The following ARL8B variants were observed in gnomAD, a reference collection of about 807,000 sequenced individuals.
ARL8B encodes the protein ADP-ribosylation factor-like protein 8B.
In ARL8B, 9 loss-of-function variants were observed where a neutral mutation model predicts 30.6. The observed-to-expected ratio is 0.29, with a 90% CI of 0.18 to 0.51. ARL8B has a LOEUF of 0.51. ARL8B is among the 20% of genes least tolerant of loss of function. The probability of loss-of-function intolerance (pLI) is 0.97; values close to 1 mark genes in which losing one functional copy is unlikely to be tolerated. For missense variants in ARL8B, 130 were observed against 227.2 expected, an observed-to-expected ratio of 0.57 and a Z score of 2.75; for synonymous variants, 74 against 76.0, an observed-to-expected ratio of 0.97 and a Z score of 0.14.
At chr3:5,165,384 T>G (rs1049276387) in intron 1 of ARL8B, among the ~76,000 whole-genome samples, 1 of 152,228 alleles carries the variant, frequency 6.6e-6, no homozygotes, top group African/African-American at 2.4e-5. Context: ...TGACTTCATA[T>G]AGGAATTAAA....
Position 5,122,454 on chromosome 3 carries a change from C to T in ARL8B, c.-12C>T, listed in dbSNP as rs2054190315. 1.2e-6 allele frequency: 2 copies of T among 1,612,572 alleles called. No individual in the cohort carries two copies. The highest frequency in any genetic ancestry group is 8.5e-7 in the Non-Finnish European group (1 of 1,179,590). On this transcript the variant is annotated 5_prime_UTR_variant, in exon 1 of 7. Transcript: ENST00000256496. ...TCCGTCCTCCCGTCCGTTCTCGCTC[C>T]CGGCCGCCATCATGCTGGCGCTCAT... is the stretch of plus-strand genomic sequence containing the variant.
chr3:5,172,598 C>A, intron 3 of ARL8B, 49 bp from the exon 4 acceptor site: 4 of 1,211,400 alleles, frequency 3.3e-6, no homozygotes, highest in Non-Finnish European at 4.8e-6. Flanking sequence ...TAGTTGTCAT[C>A]ATCAAGGCAT....
At chr3:5,136,919 G>A (rs181116223) in intron 1 of ARL8B, among the ~76,000 whole-genome samples, 1 of 152,238 alleles carries the variant, frequency 6.6e-6, no homozygotes, top group Admixed American at 6.5e-5. Context: ...CACAGCACTT[G>A]ATCAAAATTA....
intron 1 of ARL8B, among the ~76,000 whole-genome samples, 199 bp from the exon 2 acceptor site, chr3:5,170,304 G>T (rs1481645337): frequency 1.3e-5 from 2 of 152,156 alleles, no homozygotes; most frequent in African/African-American, 4.8e-5. Flanking sequence ...TTTTTAGATG[G>T]AAGAATATAT....
intron 1 of ARL8B, among the ~76,000 whole-genome samples, chr3:5,147,396 A>G (rs934310014): frequency 1.3e-5 from 2 of 152,100 alleles, no homozygotes; most frequent in African/African-American, 2.4e-5. Context: ...TTCTTAATCC[A>G]TTCTATCATT....
In ARL8B at chr3:5,172,181, G is replaced by A; in HGVS notation, c.236G>A (p.Arg79Gln). The change falls in exon 3 of 7, where the codon CGA becomes CAA. Residue 79 changes from arginine (R) to glutamine (Q), a missense_variant. Transcript: ENST00000256496. Reference protein sequence around the residue: ...IWDIGGQPRFRSMWERYCRGV... With the variant: ...IWDIGGQPRFQSMWERYCRGV... ...GACATAGGAGGACAACCCCGATTTC[G>A]AAGCATGTGGGAGCGGTATTGCAGA... The A allele has an allele frequency of 6.2e-7, 1 of 1,613,548 alleles. No individual in the cohort carries two copies. The highest frequency in any genetic ancestry group is 8.5e-7 in the Non-Finnish European group (1 of 1,179,694).
intron 1 of ARL8B, among the ~76,000 whole-genome samples, chr3:5,166,287 C>T (rs2054623170): frequency 6.6e-6 from 1 of 151,596 alleles, no homozygotes. Flanking sequence ...ATCCACCCAC[C>T]TCGGCCTCCC....
At chr3:5,131,781 T>G (rs1425841694) in intron 1 of ARL8B, among the ~76,000 whole-genome samples, 3 of 152,252 alleles carry the variant, frequency 2.0e-5, no homozygotes, top group Non-Finnish European at 4.4e-5. Context: ...TTTCTACTCT[T>G]AAGTGACTGA....
intron 1 of ARL8B, among the ~76,000 whole-genome samples, chr3:5,130,759 C>T (rs2054276179): frequency 1.3e-5 from 2 of 152,196 alleles, no homozygotes; most frequent in Non-Finnish European, 2.9e-5. Flanking sequence ...GAGTCTTGAA[C>T]TTCTGACGTC....
chr3:5,134,708 G>T (rs1433634589), intron 1 of ARL8B, among the ~76,000 whole-genome samples: 1 of 152,192 alleles, frequency 6.6e-6, no homozygotes, highest in Non-Finnish European at 1.5e-5. Flanking sequence ...TCATAGCCCA[G>T]TTAGGTTCTT....
At chr3:5,158,637 A>G (rs1172923224) in intron 1 of ARL8B, among the ~76,000 whole-genome samples, 1 of 152,162 alleles carries the variant, frequency 6.6e-6, no homozygotes, top group Non-Finnish European at 1.5e-5. Context: ...CCACCAGAAT[A>G]ACACTGCCTG....
intron 1 of ARL8B, among the ~76,000 whole-genome samples, chr3:5,151,139 A>C (rs1472497579): frequency 6.6e-6 from 1 of 151,692 alleles, no homozygotes; most frequent in Non-Finnish European, 1.5e-5. Context: ...GGTTTCATTG[A>C]TTTGCTTCAA....
chr3:5,138,083 G>A (rs912173830), intron 1 of ARL8B, among the ~76,000 whole-genome samples: 5 of 151,088 alleles, frequency 3.3e-5, no homozygotes, highest in Non-Finnish European at 7.4e-5. Flanking sequence ...GGATGTTAGG[G>A]GCAACTTGGT....
intron 1 of ARL8B, among the ~76,000 whole-genome samples, chr3:5,132,749 C>G (rs2054293979): frequency 6.6e-6 from 1 of 152,116 alleles, no homozygotes; most frequent in Admixed American, 6.6e-5. Flanking sequence ...CATGTTTAAA[C>G]TAGGTGCAAG....
chr3:5,125,971 G>C (rs1410153086), intron 1 of ARL8B, among the ~76,000 whole-genome samples: 1 of 152,090 alleles, frequency 6.6e-6, no homozygotes, highest in Non-Finnish European at 1.5e-5. Context: ...ACATGTATCA[G>C]AACATCTCAT....
chr3:5,149,422 A>G (rs1389222579), intron 1 of ARL8B, among the ~76,000 whole-genome samples: 1 of 152,174 alleles, frequency 6.6e-6, no homozygotes, highest in Non-Finnish European at 1.5e-5. Context: ...ACACACATTC[A>G]CCCATGCAAA....
At position 5,163,993 on chromosome 3, in the gene ARL8B, C is replaced by T. The variant is rs566393862; in HGVS notation, c.124-6510C>T. Among the ~76,000 whole-genome samples the T allele has an allele frequency of 4.7e-4, 72 of 152,306 alleles. 1 individual carries two copies. The highest frequency in any genetic ancestry group is 1.4e-3 in the African/African-American group (60 of 41,570). The stretch of plus-strand genomic sequence containing the variant: ...TAGAATATTATTATACTTTGTCCCT[C>T]GGTAGATGCGGGGGATTGGTTCCAG... On this transcript the variant is annotated intron_variant, in intron 1 of 6. Transcript: ENST00000256496.
At chr3:5,137,327 T>A (rs2106556746) in intron 1 of ARL8B, among the ~76,000 whole-genome samples, 1 of 152,106 alleles carries the variant, frequency 6.6e-6, no homozygotes. Context: ...TGGAACCCCC[T>A]CACCTTTCAC....
chr3:5,136,463 A>C (rs1448289557), intron 1 of ARL8B, among the ~76,000 whole-genome samples: 1 of 152,144 alleles, frequency 6.6e-6, no homozygotes, highest in African/African-American at 2.4e-5. Context: ...TGATAAATCT[A>C]ATTCTTCCGC....
Sources: gnomAD v4.1 joint callset for allele counts (sites outside exome capture counted in the v4.1 genomes callset) on GRCh38, gnomAD v4.1.1 for gene constraint, MANE v1.5 for transcripts, NCBI Gene and HGNC (gene_info 2026-07-23, HGNC 2026-07-21) for gene names.